The following C1orf21 variants were observed in gnomAD, a reference collection of about 807,000 sequenced individuals.
The protein encoded by C1orf21 is chromosome 1 open reading frame 21.
C1orf21 carries 3 observed loss-of-function variants against 18.7 expected under a neutral mutation model. The ratio of observed to expected loss-of-function variants is 0.16; its 90% CI spans 0.07 to 0.42. The LOEUF (loss-of-function observed/expected upper bound fraction) is 0.42. Among genes scored for constraint, C1orf21 ranks in the 10% least tolerant of loss-of-function variants. The probability of loss-of-function intolerance (pLI) is 0.99; values close to 1 mark genes in which losing one functional copy is unlikely to be tolerated. For missense variants in C1orf21, 104 were observed against 143.6 expected (o/e 0.72, Z 1.41); for synonymous variants, 41 against 46.4 (o/e 0.88, Z 0.47).
intron 1 of C1orf21, among the ~76,000 whole-genome samples, chr1:184,424,650 A>T (rs1457490979): frequency 6.6e-6 from 1 of 152,174 alleles, no homozygotes; most frequent in African/African-American, 2.4e-5. Flanking sequence ...GCATTTTCTC[A>T]TTCAGCCTTG....
chr1:184,420,031 G>A (rs1181549480), intron 1 of C1orf21, among the ~76,000 whole-genome samples: 2 of 152,120 alleles, frequency 1.3e-5, no homozygotes, highest in African/African-American at 4.8e-5. Context: ...GATGGCAGAG[G>A]ACACCATTAA....
chr1:184,578,806 C>A (rs892107687), intron 3 of C1orf21, among the ~76,000 whole-genome samples: 5 of 151,958 alleles, frequency 3.3e-5, no homozygotes, highest in Admixed American at 6.6e-5. Flanking sequence ...TTAAGGCTAT[C>A]CATAAATATT....
intron 3 of C1orf21, among the ~76,000 whole-genome samples, chr1:184,538,172 T>G (rs2101976290): frequency 6.6e-6 from 1 of 152,270 alleles, no homozygotes; most frequent in South Asian, 2.1e-4. Flanking sequence ...GAGTGTGAGG[T>G]GGTAATTCAT....
In C1orf21 at chr1:184,619,645, G is replaced by A; in HGVS notation, c.*89G>A. ...TCTTTGCAAAGGTCGGTTCTATTCA[G>A]CGAACAGCACTATAGCAAAAGAAGA... On this transcript the variant is annotated 3_prime_UTR_variant, in exon 6 of 6. Transcript: ENST00000235307. 8.2e-7 allele frequency: 1 copy of A among 1,215,372 alleles called. No homozygotes were observed. Among genetic ancestry groups the A allele is most frequent in the Non-Finnish European group, 1.2e-6 (1 of 839,430 alleles). 75.3% of individuals were successfully genotyped at this position (1,215,372 alleles called of 1,614,324 possible).
At chr1:184,423,321 ATAACTTTG>A (rs1055332552) in intron 1 of C1orf21, among the ~76,000 whole-genome samples, 1 of 152,220 alleles carries the variant, frequency 6.6e-6, no homozygotes, top group African/African-American at 2.4e-5. Flanking sequence ...TACAAAACAG[ATAACTTTG>A]TGAGGATGAA....
At chr1:184,595,764 G>T (rs1372652120) in intron 4 of C1orf21, among the ~76,000 whole-genome samples, 2 of 152,260 alleles carry the variant, frequency 1.3e-5, no homozygotes, top group East Asian at 3.9e-4. Flanking sequence ...GAGCCTGTCT[G>T]GTGCATCAAG....
chr1:184,454,664 C>A (rs923237952), intron 1 of C1orf21, among the ~76,000 whole-genome samples: 9 of 152,062 alleles, frequency 5.9e-5, no homozygotes. Flanking sequence ...ATGGCACCTC[C>A]CCTCTCTCTT....
intron 3 of C1orf21, among the ~76,000 whole-genome samples, chr1:184,555,066 C>T (rs1658859548): frequency 6.6e-6 from 1 of 152,280 alleles, no homozygotes; most frequent in South Asian, 2.1e-4. Context: ...TTGCTCATTT[C>T]CCATTTCCCT....
At chr1:184,556,479 A>G (rs958523723) in intron 3 of C1orf21, among the ~76,000 whole-genome samples, 10 of 152,206 alleles carry the variant, frequency 6.6e-5, no homozygotes, top group Non-Finnish European at 4.4e-5. Flanking sequence ...AAGCCAAAGA[A>G]TGGGAATCAG....
intron 3 of C1orf21, among the ~76,000 whole-genome samples, chr1:184,583,634 T>A (rs535836582): frequency 1.8e-4 from 28 of 152,304 alleles, no homozygotes; most frequent in Middle Eastern, 3.4e-3. Context: ...GCTCAAACTT[T>A]TTTGAGTGAA....
At chr1:184,575,827 G>A (rs1324198223) in intron 3 of C1orf21, among the ~76,000 whole-genome samples, 1 of 152,068 alleles carries the variant, frequency 6.6e-6, no homozygotes, top group Non-Finnish European at 1.5e-5. Context: ...TACAGTGTAG[G>A]CGCCTGACTA....
At chr1:184,580,189 A>G (rs1346666829) in intron 3 of C1orf21, among the ~76,000 whole-genome samples, 1 of 152,146 alleles carries the variant, frequency 6.6e-6, no homozygotes, top group Non-Finnish European at 1.5e-5. Context: ...TATGTAGACC[A>G]CTTCCTCCTC....
At chr1:184,435,983 G>A (rs74131673) in intron 1 of C1orf21, among the ~76,000 whole-genome samples, 12,320 of 152,234 alleles carry the variant, frequency 0.081, 791 homozygotes, top group African/African-American at 0.17. Context: ...TGCCATTGCT[G>A]TGGGGTCAGA....
chr1:184,573,464 T>C (rs1659142962), intron 3 of C1orf21, among the ~76,000 whole-genome samples: 1 of 152,212 alleles, frequency 6.6e-6, no homozygotes, highest in Non-Finnish European at 1.5e-5. Context: ...TGAATCCGAT[T>C]TTTCCGAAAT....
chr1:184,398,866 A>T (rs922062479), intron 1 of C1orf21, among the ~76,000 whole-genome samples: 1 of 152,196 alleles, frequency 6.6e-6, no homozygotes, highest in African/African-American at 2.4e-5. Flanking sequence ...TTTCATATCC[A>T]TTGACCATTG....
chr1:184,429,911 A>G (rs572945305), intron 1 of C1orf21, among the ~76,000 whole-genome samples: 6 of 152,180 alleles, frequency 3.9e-5, no homozygotes, highest in South Asian at 2.1e-4. Context: ...GATCGAGACC[A>G]TCCTAGCTAA....
At chr1:184,392,615 A>T (rs1655986912) in intron 1 of C1orf21, among the ~76,000 whole-genome samples, 1 of 152,180 alleles carries the variant, frequency 6.6e-6, no homozygotes, top group Non-Finnish European at 1.5e-5. Context: ...TAACTGAAGT[A>T]AAGGAAAGTT....
chr1:184,488,858 G>A (rs1007429596), intron 2 of C1orf21, among the ~76,000 whole-genome samples: 1 of 152,164 alleles, frequency 6.6e-6, no homozygotes, highest in African/African-American at 2.4e-5. Context: ...CCAGCTACTT[G>A]GGAGGCTGAG....
chr1:184,426,876 CTG>C (rs1217457831), intron 1 of C1orf21, among the ~76,000 whole-genome samples: 2 of 152,136 alleles, frequency 1.3e-5, no homozygotes, highest in Non-Finnish European at 2.9e-5. Context: ...AACATAAAGT[CTG>C]AATTCATTTC....
Sources: gnomAD v4.1 joint callset for allele counts (sites outside exome capture counted in the v4.1 genomes callset) on GRCh38, gnomAD v4.1.1 for gene constraint, MANE v1.5 for transcripts, NCBI Gene and HGNC (gene_info 2026-07-23, HGNC 2026-07-21) for gene names.